Variants in GPR143 observed in about 807,000 individuals in gnomAD.
GPR143 encodes G-protein coupled receptor 143.
In GPR143, 8 loss-of-function variants were observed where a neutral mutation model predicts 27.6. That is an observed-to-expected ratio of 0.29 (90% CI 0.17 to 0.52). The LOEUF (loss-of-function observed/expected upper bound fraction) is 0.52. Among genes scored for constraint, GPR143 ranks in the 20% least tolerant of loss-of-function variants. The pLI is 0.96. For synonymous variants in GPR143, 156 were observed against 153.2 expected, an observed-to-expected ratio of 1.02 and a Z score of -0.13; for missense variants, 303 against 343.1, an observed-to-expected ratio of 0.88 and a Z score of 0.92.
chrX:9,726,005 AGG>A (rs1337037364), intron 8 of GPR143, 165 bp from the exon 9 acceptor site: 10 of 608,416 alleles, frequency 1.6e-5, no homozygotes, highest in East Asian at 1.7e-4. Flanking sequence ...AAAAAAAAAA[AGG>A]TGGGAGGGGT....
At chrX:9,755,829 A>G (rs1011855746) in intron 3 of GPR143, among the ~76,000 whole-genome samples, 4 of 112,064 alleles carry the variant, frequency 3.6e-5, no homozygotes, top group African/African-American at 6.5e-5. Context: ...TGTTTAAGTC[A>G]TTATTATTAT....
At chrX:9,749,226 T>TCCC (rs1315734826) in intron 3 of GPR143, among the ~76,000 whole-genome samples, 242 of 72,864 alleles carry the variant, frequency 3.3e-3, no homozygotes, top group African/African-American at 0.013. Flanking sequence ...GGGATTTCCC[T>TCCC]CCCCCCCCAA....
At chrX:9,760,905 G>A (rs750781575) in intron 1 of GPR143, 79 bp from the exon 2 acceptor site, 36 of 503,756 alleles carry the variant, frequency 7.1e-5, no homozygotes, top group Non-Finnish European at 1.2e-4. Flanking sequence ...AAAAATGATA[G>A]ATACATAATA....
upstream of GPR143, among the ~76,000 whole-genome samples, chrX:9,770,480 T>C (rs1012139831): frequency 9.0e-6 from 1 of 110,785 alleles, no homozygotes; most frequent in Admixed American, 9.7e-5. Flanking sequence ...CTCTGGCTTA[T>C]CTAGCAGCTG....
chrX:9,774,188 G>A (rs1354798976), intron 1 of GPR143, among the ~76,000 whole-genome samples: 1 of 111,716 alleles, frequency 9.0e-6, no homozygotes, highest in Non-Finnish European at 1.9e-5. Context: ...ATGATGTCCC[G>A]AATGTATAGA....
intron 5 of GPR143, among the ~76,000 whole-genome samples, chrX:9,745,557 A>T (rs754004454): frequency 9.0e-6 from 1 of 111,565 alleles, no homozygotes; most frequent in Non-Finnish European, 1.9e-5. Context: ...GTTGCCAACG[A>T]CTTCATTACT....
chrX:9,725,806 T>G lies in GPR143; in HGVS notation c.1155A>C (p.Ala385=), dbSNP rs377013842. 2.9e-5 allele frequency: 35 copies of G among 1,207,208 alleles called. No individual in the cohort carries two copies. Among genetic ancestry groups the G allele is most frequent in the Middle Eastern group, 2.3e-4 (1 of 4,367 alleles). ...CCTCATTTTTGTTGCAGGATTCACT[T>G]GCAGTGTGAATTTCAATTGTGCTGG... is the stretch of plus-strand genomic sequence containing the variant. ...SDASTIEIHT[A]SESCNKNEGD... The change falls in exon 9 of 9, where the codon GCA becomes GCC. Residue 385 remains alanine (A), a synonymous_variant. Coordinates refer to ENST00000467482, the MANE Select transcript of GPR143 (RefSeq NM_000273.3).
chrX:9,731,399 GAGAAAC>G (rs765128857), intron 8 of GPR143, among the ~76,000 whole-genome samples: 1 of 110,111 alleles, frequency 9.1e-6, no homozygotes, highest in African/African-American at 3.3e-5. Context: ...AATCTTAGAA[GAGAAAC>G]AGTGGAGATG....
rs770093422 is a variant in GPR143, at chrX:9,775,818, A to G, written c.-3+10424T>C. 5.3e-5 allele frequency among the ~76,000 whole-genome samples: 6 copies of G among 112,203 alleles called. No individual in the cohort carries two copies. In the South Asian group the frequency reaches 1.9e-3, roughly 35 times the overall value. On this transcript the variant is annotated intron_variant, in intron 1 of 7. Transcript: ENST00000447366. ...CTAAGTGCAACTGTGGTTTCAAGGA[A>G]GTGTGTGTGCGGCAGGGTGGGCTGG...
At chrX:9,753,672 C>T (rs1222396235) in intron 3 of GPR143, among the ~76,000 whole-genome samples, 1 of 111,417 alleles carries the variant, frequency 9.0e-6, no homozygotes, top group Non-Finnish European at 1.9e-5. Context: ...TGGGCCCTCA[C>T]AGCCCCCCAG....
intron 3 of GPR143, among the ~76,000 whole-genome samples, chrX:9,757,887 G>A (rs920367351): frequency 1.8e-5 from 2 of 110,162 alleles, no homozygotes; most frequent in Admixed American, 2.0e-4. Flanking sequence ...TCAGCCTCCC[G>A]AGTAGCTGGG....
chrX:9,771,213 C>A (rs1188419718), intron 1 of GPR143, among the ~76,000 whole-genome samples: 1 of 111,261 alleles, frequency 9.0e-6, no homozygotes, highest in Admixed American at 9.6e-5. Context: ...CATACACCAT[C>A]ATGTCTGGCT....
chrX:9,735,356 C>T (rs1438671361), intron 8 of GPR143, among the ~76,000 whole-genome samples: 1 of 111,305 alleles, frequency 9.0e-6, no homozygotes, highest in Non-Finnish European at 1.9e-5. Context: ...TGAGCCACAA[C>T]CGTCCCCAAA....
chrX:9,728,639 T>TAAAAA (rs57462205), intron 8 of GPR143, among the ~76,000 whole-genome samples: 508 of 19,226 alleles, frequency 0.026, 47 homozygotes, highest in Non-Finnish European at 0.034. Context: ...CCCTATCTCT[T>TAAAAA]AAAAAAAAAA....
rs111720321 is a variant in GPR143 at position 9,774,967 on chromosome X, G to A, written c.-3+11275C>T. On this transcript the variant is annotated intron_variant, in intron 1 of 7. Transcript: ENST00000447366. ...CAGCCTTGACCTCCCGGGCTCAAGC[G>A]ATACTCCCACCTTAGCCTCCTGAGT... is the stretch of plus-strand genomic sequence containing the variant. 5.9e-3 allele frequency among the ~76,000 whole-genome samples: 661 copies of A among 111,118 alleles called. 8 individuals carry two copies. Among genetic ancestry groups the A allele is most frequent in the African/African-American group, 0.02 (603 of 30,520 alleles).
At chrX:9,750,587 G>A (rs2083447335) in intron 3 of GPR143, among the ~76,000 whole-genome samples, 1 of 108,530 alleles carries the variant, frequency 9.2e-6, no homozygotes, top group African/African-American at 3.3e-5. Flanking sequence ...TTTTCAAGAT[G>A]GAGACTTGCT....
At chrX:9,746,886 G>T (rs1423294829) in intron 4 of GPR143, among the ~76,000 whole-genome samples, 5 of 108,566 alleles carry the variant, frequency 4.6e-5, no homozygotes, top group Non-Finnish European at 9.5e-5. Context: ...AACCAAAGAG[G>T]GAGGTGGAAA....
chrX:9,770,358 G>GAGAGAGAGAGAGAGAGAGAGAGAGAGAGA (rs1569127514), upstream of GPR143, among the ~76,000 whole-genome samples: 3 of 76,551 alleles, frequency 3.9e-5, no homozygotes, highest in African/African-American at 1.7e-4. Context: ...AGAGAGAGAG[G>GAGAGAGAGAGAGAGAGAGAGAGAGAGAGA]AAGACCAGCC....
intron 7 of GPR143, chrX:9,740,934 G>T: frequency 3.4e-6 from 1 of 296,747 alleles, no homozygotes; most frequent in South Asian, 2.1e-4. Flanking sequence ...CAAACTGTTT[G>T]ACCAGAGTTG....
Sources: allele counts gnomAD v4.1 joint callset (sites outside exome capture counted in the v4.1 genomes callset), GRCh38; gene constraint gnomAD v4.1.1; transcripts MANE v1.5; gene names NCBI Gene and HGNC (gene_info 2026-07-23, HGNC 2026-07-21).